The following TTC27 variants were observed in gnomAD, a reference collection of about 807,000 sequenced individuals.
TTC27 encodes tetratricopeptide repeat protein 27.
Under a neutral mutation model 115.9 loss-of-function variants are expected in TTC27, and 79 were observed. The observed-to-expected ratio is 0.68, with a 90% CI of 0.57 to 0.82. The LOEUF (loss-of-function observed/expected upper bound fraction) is 0.82, where lower values mean the gene tolerates loss of function less well. Among genes scored for constraint, TTC27 ranks in the 40% least tolerant of loss-of-function variants. The pLI is 0.00. For missense variants in TTC27, 1,054 were observed against 993.1 expected (o/e 1.06, Z -0.82); for synonymous variants, 401 against 356.0 (o/e 1.13, Z -1.42).
In TTC27 at chr2:32,745,054, C is replaced by CAAAAAAAAAAAAAA. The variant is rs57044153; in HGVS notation, c.1452+8252_1452+8265dup. On this transcript the variant is annotated intron_variant, in intron 12 of 19. Coordinates refer to ENST00000317907, the MANE Select transcript of TTC27 (RefSeq NM_017735.5). ...CTGGGCAACAGAGTGAACTCTGTCTCAAAAAAAAAAAAAAAAAAAAAAAAA... is the reference window on the plus strand; with the variant it reads ...CTGGGCAACAGAGTGAACTCTGTCTCAAAAAAAAAAAAAAAAAAAAAAAAAAAAAAAAAAAAAAA... Among the ~76,000 whole-genome samples the CAAAAAAAAAAAAAA allele has an allele frequency of 6.0e-5, 3 of 49,864 alleles. 1 individual carries two copies. The highest frequency in any genetic ancestry group is 6.7e-5 in the Non-Finnish European group (2 of 29,954). 32.7% of individuals were successfully genotyped at this position (49,864 alleles called of 152,430 possible). A position where few individuals can be genotyped will look rare whatever the true frequency, so the allele number is the denominator to read the frequency against.
intron 18 of TTC27, among the ~76,000 whole-genome samples, 157 bp from the exon 19 acceptor site, chr2:32,817,300 C>T (rs1309274460): frequency 6.6e-6 from 1 of 151,606 alleles, no homozygotes; most frequent in East Asian, 1.9e-4. Flanking sequence ...AAGCTATGTA[C>T]ATAATTATTA....
At chr2:32,797,942 A>T (rs1156411719) in intron 16 of TTC27, among the ~76,000 whole-genome samples, 1 of 152,150 alleles carries the variant, frequency 6.6e-6, no homozygotes, top group Non-Finnish European at 1.5e-5. Flanking sequence ...CAGCCCAATT[A>T]AAAAATGTGC....
intron 13 of TTC27, among the ~76,000 whole-genome samples, chr2:32,771,198 C>T (rs141729077): frequency 3.7e-4 from 57 of 152,232 alleles, no homozygotes; most frequent in African/African-American, 1.3e-3. Flanking sequence ...ATAATCTCTA[C>T]CTGGATTTGC....
chr2:32,725,879 G>A (rs62133873), intron 10 of TTC27, among the ~76,000 whole-genome samples: 3 of 152,038 alleles, frequency 2.0e-5, no homozygotes, highest in African/African-American at 4.8e-5. Flanking sequence ...CTAGGCAGAG[G>A]TTCTCAAACC....
intron 9 of TTC27, among the ~76,000 whole-genome samples, chr2:32,685,265 G>A (rs1666591920): frequency 6.6e-6 from 1 of 152,000 alleles, no homozygotes; most frequent in Admixed American, 6.6e-5. Context: ...CCTGACCTCA[G>A]GTGATCTGCA....
chr2:32,796,925 C>T (rs1315096102), intron 16 of TTC27, among the ~76,000 whole-genome samples: 1 of 151,782 alleles, frequency 6.6e-6, no homozygotes, highest in African/African-American at 2.4e-5. Flanking sequence ...GTAATCCCAG[C>T]ACTTTGGGAG....
intron 5 of TTC27, among the ~76,000 whole-genome samples, chr2:32,657,415 A>T (rs1665369881): frequency 1.4e-5 from 2 of 143,462 alleles, no homozygotes; most frequent in African/African-American, 5.2e-5. Flanking sequence ...GTGCAGTGGC[A>T]TGATCTTGGC....
At chr2:32,794,340 CT>C (rs1432340393) in intron 16 of TTC27, among the ~76,000 whole-genome samples, 1 of 152,096 alleles carries the variant, frequency 6.6e-6, no homozygotes, top group African/African-American at 2.4e-5. Flanking sequence ...AAACAACACA[CT>C]CTTAATCAAT....
At chr2:32,702,316 G>T (rs1037711241) in intron 9 of TTC27, among the ~76,000 whole-genome samples, 1 of 151,684 alleles carries the variant, frequency 6.6e-6, no homozygotes, top group Non-Finnish European at 1.5e-5. Context: ...ATTCCAAGTT[G>T]TCATCAAAGA....
intron 6 of TTC27, among the ~76,000 whole-genome samples, chr2:32,664,990 G>A (rs760990648): frequency 1.1e-4 from 17 of 151,802 alleles, no homozygotes; most frequent in Non-Finnish European, 2.4e-4. Context: ...CCACCACCAC[G>A]CCTGGCTAAT....
At chr2:32,663,944 A>G (rs1665661057) in intron 5 of TTC27, among the ~76,000 whole-genome samples, 2 of 151,636 alleles carry the variant, frequency 1.3e-5, no homozygotes, top group Non-Finnish European at 2.9e-5. Flanking sequence ...CGGCCTCGCA[A>G]GGTACAGGGA....
intron 13 of TTC27, 84 bp from the exon 14 acceptor site, chr2:32,777,798 G>T (rs1670045880): frequency 2.3e-6 from 3 of 1,296,430 alleles, no homozygotes; most frequent in Admixed American, 1.9e-5. Context: ...GAGTGTGTTT[G>T]TTGATAGCAT....
chr2:32,806,706 A>G (rs1401779041), intron 16 of TTC27, among the ~76,000 whole-genome samples: 4 of 151,942 alleles, frequency 2.6e-5, no homozygotes, highest in Non-Finnish European at 4.4e-5. Flanking sequence ...CGCTTGAACC[A>G]AGAGGCAGAG....
At chr2:32,720,475 T>C (rs1326851093) in intron 10 of TTC27, among the ~76,000 whole-genome samples, 1 of 152,190 alleles carries the variant, frequency 6.6e-6, no homozygotes, top group Non-Finnish European at 1.5e-5. Context: ...CTTTCTGATA[T>C]CATTCCAGTC....
At chr2:32,664,835 C>CTT (rs1233866120) in intron 6 of TTC27, among the ~76,000 whole-genome samples, 13 of 137,006 alleles carry the variant, frequency 9.5e-5, no homozygotes, top group African/African-American at 2.4e-4. Context: ...TTCCATCTTG[C>CTT]TTTTTTTTTT....
chr2:32,743,539 A>G (rs1162593285), intron 12 of TTC27, among the ~76,000 whole-genome samples: 1 of 152,186 alleles, frequency 6.6e-6, no homozygotes, highest in Non-Finnish European at 1.5e-5. Flanking sequence ...GCCCCAATAT[A>G]GCAGGTTTTC....
At chr2:32,672,414 A>C in intron 8 of TTC27, 30 bp downstream of exon 8, 2 of 1,497,188 alleles carry the variant, frequency 1.3e-6, no homozygotes, top group Non-Finnish European at 1.9e-6. Context: ...GGCTGCTTTG[A>C]ACACTTTGCA....
At chr2:32,756,806 G>A (rs1196194866) in intron 12 of TTC27, among the ~76,000 whole-genome samples, 2 of 152,198 alleles carry the variant, frequency 1.3e-5, no homozygotes, top group African/African-American at 4.8e-5. Context: ...TGCTGTTTAC[G>A]TGAAGGCGTG....
At chr2:32,732,756 G>A (rs1268363318) in intron 10 of TTC27, among the ~76,000 whole-genome samples, 5 of 152,100 alleles carry the variant, frequency 3.3e-5, no homozygotes, top group Admixed American at 2.0e-4. Context: ...ATATGAGAAC[G>A]ACATTCTCCT....
Sources: allele counts gnomAD v4.1 joint callset (sites outside exome capture counted in the v4.1 genomes callset), GRCh38; gene constraint gnomAD v4.1.1; transcripts MANE v1.5; gene names NCBI Gene and HGNC (gene_info 2026-07-23, HGNC 2026-07-21).